SLC16A7: variants seen among roughly 807,000 people sequenced by gnomAD.
The protein encoded by SLC16A7 is monocarboxylate transporter 2.
A neutral mutation model predicts 34.9 loss-of-function variants in SLC16A7; 33 were observed. The observed-to-expected ratio is 0.94, with a 90% CI of 0.72 to 1.26. The LOEUF (loss-of-function observed/expected upper bound fraction) is 1.26, where lower values mean the gene tolerates loss of function less well. Ranked by LOEUF, SLC16A7 falls within the 50% of genes most tolerant of loss-of-function variation. The pLI is 0.00. For synonymous variants in SLC16A7, 201 were observed against 206.6 expected (o/e 0.97, Z 0.23); for missense variants, 573 against 578.1 (o/e 0.99, Z 0.09).
chr12:59,605,473 C>G (rs1377128464), intron 1 of SLC16A7, among the ~76,000 whole-genome samples: 1 of 152,108 alleles, frequency 6.6e-6, no homozygotes, highest in African/African-American at 2.4e-5. Flanking sequence ...CTGGAGAATT[C>G]TCATAGATGG....
intron 1 of SLC16A7, among the ~76,000 whole-genome samples, chr12:59,615,838 A>G (rs535730941): frequency 6.6e-6 from 1 of 152,196 alleles, no homozygotes; most frequent in Admixed American, 6.5e-5. Flanking sequence ...TACTAACTCC[A>G]AAGTGCCAGG....
At chr12:59,685,963 A>G (rs1871124207) in intron 2 of SLC16A7, among the ~76,000 whole-genome samples, 1 of 152,086 alleles carries the variant, frequency 6.6e-6, no homozygotes, top group African/African-American at 2.4e-5. Flanking sequence ...TTGAGAATAT[A>G]ATAAAATTCT....
chr12:59,648,208 T>G (rs541672739), intron 1 of SLC16A7, among the ~76,000 whole-genome samples: 1 of 152,252 alleles, frequency 6.6e-6, no homozygotes, highest in East Asian at 1.9e-4. Flanking sequence ...GGACAGGCCT[T>G]GGGGTCCTGC....
intron 3 of SLC16A7, chr12:59,733,862 C>G (rs940233834): frequency 1.3e-5 from 6 of 454,912 alleles, no homozygotes; most frequent in Middle Eastern, 4.0e-4. Flanking sequence ...GGCAGGTCGT[C>G]CTGACTAGCT....
At chr12:59,707,388 G>A (rs1873707847) in intron 3 of SLC16A7, among the ~76,000 whole-genome samples, 1 of 151,800 alleles carries the variant, frequency 6.6e-6, no homozygotes, top group Admixed American at 6.6e-5. Context: ...GATCTAAAAG[G>A]AACATTAGAA....
intron 3 of SLC16A7, chr12:59,719,648 A>G (rs1875335460): frequency 6.5e-6 from 1 of 153,920 alleles, no homozygotes; most frequent in Non-Finnish European, 1.4e-5. Flanking sequence ...GAATTTACTA[A>G]GAATAAACAT....
At chr12:59,758,387 G>A (rs1366548054) in intron 3 of SLC16A7, among the ~76,000 whole-genome samples, 1 of 152,050 alleles carries the variant, frequency 6.6e-6, no homozygotes, top group East Asian at 1.9e-4. Flanking sequence ...TACAAAGGAA[G>A]ATGGGAACAA....
At chr12:59,621,894 A>G (rs1010169502) in intron 1 of SLC16A7, among the ~76,000 whole-genome samples, 5 of 151,710 alleles carry the variant, frequency 3.3e-5, no homozygotes. Context: ...CATTTTAGTT[A>G]TATTTACAGT....
intron 3 of SLC16A7, chr12:59,768,318 A>T: frequency 2.6e-6 from 1 of 385,158 alleles, no homozygotes; most frequent in Non-Finnish European, 5.2e-6. Flanking sequence ...TCAGGACTTC[A>T]GTGAAGTAAG....
At chr12:59,735,845 T>C in intron 3 of SLC16A7, 1 of 497,076 alleles carries the variant, frequency 2.0e-6, no homozygotes. Flanking sequence ...AAGATTGCCA[T>C]ATATTTAAAA....
At chr12:59,709,117 ATTCTATTGAATGATAATCTATATATGGTT>A (rs1217466067) in intron 3 of SLC16A7, among the ~76,000 whole-genome samples, 1 of 151,622 alleles carries the variant, frequency 6.6e-6, no homozygotes, top group Non-Finnish European at 1.5e-5. Flanking sequence ...TTGTTTTTGT[ATTCTATTGAATGATAATCTATATATGGTT>A]ACCTCTACAG....
intron 3 of SLC16A7, among the ~76,000 whole-genome samples, chr12:59,757,111 TG>T (rs1467736965): frequency 1.0e-4 from 8 of 79,586 alleles, no homozygotes; most frequent in African/African-American, 2.5e-4. Context: ...TGTTGTGGGG[TG>T]GGGGGAGGGG....
At chr12:59,755,553 T>C (rs1161137375) in intron 3 of SLC16A7, among the ~76,000 whole-genome samples, 3 of 152,302 alleles carry the variant, frequency 2.0e-5, no homozygotes, top group South Asian at 4.1e-4. Flanking sequence ...TTACAAGGGA[T>C]GAGAAGGACC....
At chr12:59,713,916 C>T (rs1029191190) in intron 3 of SLC16A7, among the ~76,000 whole-genome samples, 9 of 152,324 alleles carry the variant, frequency 5.9e-5, no homozygotes, top group African/African-American at 2.2e-4. Context: ...CAGACACAGG[C>T]TATGCTTTCA....
intron 1 of SLC16A7, among the ~76,000 whole-genome samples, chr12:59,616,156 T>C (rs1262715710): frequency 6.6e-6 from 1 of 152,190 alleles, no homozygotes; most frequent in Non-Finnish European, 1.5e-5. Flanking sequence ...TATAAATACA[T>C]GGAGTAGGTG....
At chr12:59,692,297 C>G (rs1184539008) in intron 2 of SLC16A7, among the ~76,000 whole-genome samples, 1 of 151,998 alleles carries the variant, frequency 6.6e-6, no homozygotes. Flanking sequence ...AAGATTCTCT[C>G]TCAACAGCCT....
chr12:59,773,484 C>T (rs976955835), intron 4 of SLC16A7, among the ~76,000 whole-genome samples: 3 of 152,030 alleles, frequency 2.0e-5, no homozygotes, highest in Non-Finnish European at 2.9e-5. Context: ...ACCTCTCTAG[C>T]CCCTAAAATA....
At chr12:59,621,255 A>C (rs1879684727) in intron 1 of SLC16A7, among the ~76,000 whole-genome samples, 1 of 151,878 alleles carries the variant, frequency 6.6e-6, no homozygotes, top group South Asian at 2.1e-4. Context: ...TGAGTATTGT[A>C]GCACTGCCAT....
chr12:59,717,867 C>A (rs1437893449), intron 3 of SLC16A7, among the ~76,000 whole-genome samples: 2 of 152,086 alleles, frequency 1.3e-5, no homozygotes, highest in Non-Finnish European at 2.9e-5. Context: ...GAATGTTGAA[C>A]AATTATATTT....
Sources: allele counts gnomAD v4.1 joint callset (sites outside exome capture counted in the v4.1 genomes callset), GRCh38; gene constraint gnomAD v4.1.1; transcripts MANE v1.5; gene names NCBI Gene and HGNC (gene_info 2026-07-23, HGNC 2026-07-21).